The following APBA2 variants were observed in gnomAD, a reference collection of about 807,000 sequenced individuals.
APBA2 encodes amyloid beta precursor protein binding family A member 2.
In APBA2, 30 loss-of-function variants were observed where a neutral mutation model predicts 75.0. The ratio of observed to expected loss-of-function variants is 0.40; its 90% CI spans 0.30 to 0.54. APBA2 has a LOEUF of 0.54. Ranked by LOEUF, APBA2 falls within the 20% of genes least tolerant of loss-of-function variation. The probability of loss-of-function intolerance (pLI) is 0.49; values close to 1 mark genes in which losing one functional copy is unlikely to be tolerated. For missense variants in APBA2, 801 were observed against 1,016.1 expected, an observed-to-expected ratio of 0.79 and a Z score of 2.88; for synonymous variants, 444 against 409.6, an observed-to-expected ratio of 1.08 and a Z score of -1.01.
At chr15:28,936,816 G>C (rs1370420097) in intron 2 of APBA2, among the ~76,000 whole-genome samples, 2 of 152,124 alleles carry the variant, frequency 1.3e-5, no homozygotes, top group African/African-American at 4.8e-5. Flanking sequence ...GAGACTTGGT[G>C]GGGGATGGGA....
intron 4 of APBA2, among the ~76,000 whole-genome samples, chr15:29,073,798 A>G (rs1418722424): frequency 6.6e-6 from 1 of 152,218 alleles, no homozygotes; most frequent in African/African-American, 2.4e-5. Context: ...TTTAAGGGCT[A>G]TGGATCTGGC....
chr15:28,892,393 C>A (rs1163225379), intron 1 of APBA2, among the ~76,000 whole-genome samples: 2 of 152,152 alleles, frequency 1.3e-5, no homozygotes, highest in Non-Finnish European at 1.5e-5. Context: ...ATCTTTTATA[C>A]CATATTTTTA....
intron 8 of APBA2, among the ~76,000 whole-genome samples, chr15:29,097,222 A>C (rs964969396): frequency 1.3e-5 from 2 of 152,272 alleles, no homozygotes; most frequent in Non-Finnish European, 2.9e-5. Context: ...TCTTAAGGAT[A>C]CTTAGAATCC....
rs1194941320 is a variant in APBA2, at chr15:29,117,732, A to AGAT, written c.*601_*603dup. On this transcript the variant is annotated 3_prime_UTR_variant, in exon 15 of 15. Transcript: ENST00000683413. ...CAACATGAAAACTCCATATTTATTT[A>AGAT]GATGCTATTATTACTGTTTGGACTT... is the stretch of plus-strand genomic sequence containing the variant. 6.4e-6 allele frequency: 1 copy of AGAT among 155,144 alleles called. No homozygotes were observed. The highest frequency in any genetic ancestry group is 1.9e-4 in the East Asian group (1 of 5,264). 9.6% of individuals were successfully genotyped at this position (155,144 alleles called of 1,614,324 possible).
chr15:29,006,236 G>A (rs1221360933), intron 3 of APBA2, among the ~76,000 whole-genome samples: 1 of 152,130 alleles, frequency 6.6e-6, no homozygotes, highest in Non-Finnish European at 1.5e-5. Flanking sequence ...ACTAATACAT[G>A]AATTCAGTAA....
intron 2 of APBA2, among the ~76,000 whole-genome samples, chr15:28,968,768 C>T (rs570953208): frequency 1.4e-4 from 22 of 152,210 alleles, no homozygotes; most frequent in African/African-American, 5.3e-4. Flanking sequence ...TAGGGCAGGC[C>T]CTAATCCAGC....
rs115433174 is a variant in APBA2, at chr15:28,949,141, G to A, written c.-95+27392G>A. Among the ~76,000 whole-genome samples the A allele has an allele frequency of 9.3e-3, 1,411 of 151,778 alleles. 32 individuals carry two copies. The highest frequency in any genetic ancestry group is 0.032 in the African/African-American group (1,335 of 41,392). On this transcript the variant is annotated intron_variant, in intron 2 of 14. Transcript: ENST00000683413. ...AGGGTGGTAAAGGAATCAATCACCCGGACAGGTTGTCCGTTCATGTGCCGT... is the reference window on the plus strand; with the variant it reads ...AGGGTGGTAAAGGAATCAATCACCCAGACAGGTTGTCCGTTCATGTGCCGT...
chr15:29,080,713 C>T (rs986682372), intron 6 of APBA2, among the ~76,000 whole-genome samples: 1 of 152,172 alleles, frequency 6.6e-6, no homozygotes, highest in Non-Finnish European at 1.5e-5. Flanking sequence ...TAGAGGGTCA[C>T]TGCCTCTGGA....
intron 3 of APBA2, among the ~76,000 whole-genome samples, chr15:29,001,582 T>C (rs2038848567): frequency 6.6e-6 from 1 of 152,202 alleles, no homozygotes; most frequent in African/African-American, 2.4e-5. Flanking sequence ...GGGTAGATTG[T>C]GAGAATGAAC....
chr15:29,057,216 C>A (rs939603042), intron 4 of APBA2, among the ~76,000 whole-genome samples: 1 of 152,170 alleles, frequency 6.6e-6, no homozygotes, highest in Non-Finnish European at 1.5e-5. Flanking sequence ...AACCCTAACC[C>A]AGCAGCATTG....
rs1309393779 is a variant in APBA2, at chr15:29,093,539, A to T, written c.1215+319A>T. 3.9e-5 allele frequency among the ~76,000 whole-genome samples: 6 copies of T among 152,266 alleles called. No individual in the cohort carries two copies. In the East Asian group the frequency reaches 7.7e-4, roughly 20 times the overall value. On this transcript the variant is annotated intron_variant, in intron 7 of 14. Transcript: ENST00000683413. ...CCAGTTCAACAGTATGTGTATTTTT[A>T]GTGCCATTCAGAGTGCTTCAAGAAA...
intron 4 of APBA2, 24 bp from the exon 5 acceptor site, chr15:29,074,897 G>T: frequency 6.2e-7 from 1 of 1,611,904 alleles, no homozygotes; most frequent in Non-Finnish European, 8.5e-7. Context: ...ATAAAATCAC[G>T]ATCTTTAACT....
chr15:28,899,793 G>A (rs1021484689), intron 1 of APBA2, among the ~76,000 whole-genome samples: 1 of 152,214 alleles, frequency 6.6e-6, no homozygotes, highest in Admixed American at 6.5e-5. Flanking sequence ...TCGCCTCTGT[G>A]TGTTGGATCG....
chr15:29,055,066 G>A (rs902194770), intron 4 of APBA2, among the ~76,000 whole-genome samples: 1 of 152,232 alleles, frequency 6.6e-6, no homozygotes. Flanking sequence ...TGAGGGCTGA[G>A]TGGCAACTCG....
At chr15:28,976,771 T>G (rs142498495) in intron 2 of APBA2, among the ~76,000 whole-genome samples, 3 of 152,390 alleles carry the variant, frequency 2.0e-5, no homozygotes, top group Admixed American at 6.5e-5. Context: ...GAGTTTGGCC[T>G]ATAATTTACC....
At chr15:29,030,179 AC>A (rs1390432021) in intron 3 of APBA2, among the ~76,000 whole-genome samples, 1 of 152,082 alleles carries the variant, frequency 6.6e-6, no homozygotes, top group Non-Finnish European at 1.5e-5. Context: ...GAGAAACATG[AC>A]CGGGCCCGGT....
intron 2 of APBA2, among the ~76,000 whole-genome samples, chr15:28,957,165 C>T (rs1196135865): frequency 3.3e-5 from 5 of 152,202 alleles, no homozygotes; most frequent in East Asian, 1.9e-4. Context: ...CTCCGCCTCC[C>T]GGGTTCACGC....
intron 3 of APBA2, among the ~76,000 whole-genome samples, chr15:29,051,519 C>G (rs933377745): frequency 6.6e-6 from 1 of 152,182 alleles, no homozygotes; most frequent in Non-Finnish European, 1.5e-5. Flanking sequence ...GGAGTGAATT[C>G]ACACGTTGGA....
At chr15:29,013,937 A>G (rs1247954981) in intron 3 of APBA2, among the ~76,000 whole-genome samples, 1 of 152,256 alleles carries the variant, frequency 6.6e-6, no homozygotes, top group African/African-American at 2.4e-5. Context: ...TCAATCAAGC[A>G]GGATATGTAA....
Sources: allele counts gnomAD v4.1 joint callset (sites outside exome capture counted in the v4.1 genomes callset), GRCh38; gene constraint gnomAD v4.1.1; transcripts MANE v1.5; gene names NCBI Gene and HGNC (gene_info 2026-07-23, HGNC 2026-07-21).